The following ANGPT1 variants were observed in gnomAD, a reference collection of about 807,000 sequenced individuals.
ANGPT1 encodes the protein angiopoietin 1, also known as angiopoietin-1.
ANGPT1 carries 17 observed loss-of-function variants against 62.2 expected under a neutral mutation model. That is an observed-to-expected ratio of 0.27 (90% confidence interval 0.19 to 0.41). The LOEUF is 0.41. Among genes scored for constraint, ANGPT1 ranks in the 10% least tolerant of loss-of-function variants. The pLI is 1.00. For missense variants in ANGPT1, 478 were observed against 594.9 expected, an observed-to-expected ratio of 0.80 and a Z score of 2.04; for synonymous variants, 199 against 198.9, an observed-to-expected ratio of 1.00 and a Z score of 0.00.
At chr8:107,371,110 G>A (rs1445805257) in intron 1 of ANGPT1, among the ~76,000 whole-genome samples, 1 of 152,206 alleles carries the variant, frequency 6.6e-6, no homozygotes, top group Non-Finnish European at 1.5e-5. Flanking sequence ...TGAACCTGGC[G>A]AGATGCCATC....
At chr8:107,281,561 G>A (rs546812856) in intron 7 of ANGPT1, among the ~76,000 whole-genome samples, 4 of 152,066 alleles carry the variant, frequency 2.6e-5, no homozygotes, top group South Asian at 2.1e-4. Context: ...TGCGGATCAC[G>A]AGATCAGGAG....
chr8:107,262,122 G>C (rs1813507088), intron 8 of ANGPT1, among the ~76,000 whole-genome samples: 1 of 152,114 alleles, frequency 6.6e-6, no homozygotes, highest in South Asian at 2.1e-4. Flanking sequence ...TTGAACCAGG[G>C]AGGCGGAGGT....
chr8:107,469,759 T>A (rs145080600), intron 1 of ANGPT1, among the ~76,000 whole-genome samples: 2 of 152,086 alleles, frequency 1.3e-5, no homozygotes, highest in African/African-American at 2.4e-5. Flanking sequence ...AATACATGCT[T>A]TTTTTGTAAA....
chr8:107,347,156 A>C (rs1815824211), intron 1 of ANGPT1, 59 bp from the exon 2 acceptor site: 1 of 1,523,258 alleles, frequency 6.6e-7, no homozygotes, highest in East Asian at 2.3e-5. Flanking sequence ...CAGTTCGGGC[A>C]TGTAATATTT....
At chr8:107,448,317 T>A (rs920329609) in intron 1 of ANGPT1, among the ~76,000 whole-genome samples, 4 of 152,192 alleles carry the variant, frequency 2.6e-5, no homozygotes, top group South Asian at 4.1e-4. Context: ...ATAATGCAAC[T>A]TTTTTATGAA....
In ANGPT1 at chr8:107,491,493, A is replaced by G. The variant is rs1463214928; in HGVS notation, c.297+5769T>C. Among the ~76,000 whole-genome samples, 5 of 152,338 alleles carry G rather than the reference A, an allele frequency of 3.3e-5. No individual in the cohort carries two copies. In the East Asian group the frequency reaches 9.7e-4, roughly 29 times the overall value. On this transcript the variant is annotated intron_variant, in intron 1 of 8. Coordinates refer to ENST00000517746, the MANE Select transcript of ANGPT1 (RefSeq NM_001146.5). ...AGTAAAGTGGGGAAGGTGGTAGGTA[A>G]TGGTGCTCAGAGACTTTCTGAGAAG...
chr8:107,322,215 A>G, intron 3 of ANGPT1, 87 bp from the exon 4 acceptor site: 1 of 948,118 alleles, frequency 1.1e-6, no homozygotes, highest in Non-Finnish European at 1.5e-6. Flanking sequence ...GAATTTATTT[A>G]AGATGAGAAA....
chr8:107,366,487 G>GT lies in ANGPT1; in HGVS notation c.298-19391dup, dbSNP rs554502186. Among the ~76,000 whole-genome samples the GT allele has an allele frequency of 3.1e-4, 47 of 152,198 alleles. 1 individual carries two copies. In the South Asian group the frequency reaches 9.5e-3, roughly 31 times the overall value. ...GCAAAACCTGAAATACGTTTGCTGT[G>GT]TTTTTTTAAGATCATTGTATATATG... On this transcript the variant is annotated intron_variant, in intron 1 of 8. Coordinates refer to ENST00000517746, the MANE Select transcript of ANGPT1 (RefSeq NM_001146.5).
At chr8:107,429,516 G>A (rs1412665099) in intron 1 of ANGPT1, among the ~76,000 whole-genome samples, 2 of 152,150 alleles carry the variant, frequency 1.3e-5, no homozygotes, top group Non-Finnish European at 2.9e-5. Context: ...CTTTCTGAGA[G>A]ATGTTTGTTA....
chr8:107,497,789 A>T lies in ANGPT1; in HGVS notation c.-231T>A. On this transcript the variant is annotated 5_prime_UTR_variant, in exon 1 of 9. Transcript: ENST00000517746. ...ATGTTTTTCTTCGTTAAAACTTGAG[A>T]TATTTATTGCATAGTAGCTGAGATT... 1 of 587,782 alleles carries T rather than the reference A, an allele frequency of 1.7e-6. No individual in the cohort carries two copies. The highest frequency in any genetic ancestry group is 3.0e-6 in the Non-Finnish European group (1 of 336,184). 36.4% of individuals were successfully genotyped at this position (587,782 alleles called of 1,614,324 possible). A position where few individuals can be genotyped will look rare whatever the true frequency, so the allele number is the denominator to read the frequency against.
intron 1 of ANGPT1, among the ~76,000 whole-genome samples, chr8:107,401,673 A>G (rs1817049960): frequency 6.6e-6 from 1 of 152,364 alleles, no homozygotes; most frequent in African/African-American, 2.4e-5. Flanking sequence ...CCTTTGATGC[A>G]GGATTATTTT....
chr8:107,446,765 G>C lies in ANGPT1; in HGVS notation c.297+50497C>G, dbSNP rs563467330. Among the ~76,000 whole-genome samples, 4 of 152,282 alleles carry C rather than the reference G, an allele frequency of 2.6e-5. No individual in the cohort carries two copies. In the East Asian group the frequency reaches 7.7e-4, roughly 29 times the overall value. ...GTTATGTGGCTATTGCAGAGTATGG[G>C]AGATGGATTTAAATATCTTCTATAT... On this transcript the variant is annotated intron_variant, in intron 1 of 8. Coordinates refer to ENST00000517746, the MANE Select transcript of ANGPT1 (RefSeq NM_001146.5).
intron 1 of ANGPT1, among the ~76,000 whole-genome samples, chr8:107,359,289 C>A (rs1041784944): frequency 6.6e-6 from 1 of 152,152 alleles, no homozygotes; most frequent in Admixed American, 6.6e-5. Flanking sequence ...CAAATTGTTT[C>A]TCAGACTCTC....
At chr8:107,337,200 T>C (rs1430161803) in intron 2 of ANGPT1, among the ~76,000 whole-genome samples, 1 of 152,122 alleles carries the variant, frequency 6.6e-6, no homozygotes, top group East Asian at 1.9e-4. Flanking sequence ...ACTCAGGTAG[T>C]TTTATTCTGA....
intron 1 of ANGPT1, among the ~76,000 whole-genome samples, chr8:107,419,473 C>T (rs1445470564): frequency 6.6e-6 from 1 of 152,100 alleles, no homozygotes; most frequent in Admixed American, 6.6e-5. Flanking sequence ...CTTTTGTCCT[C>T]CAATCACATT....
intron 1 of ANGPT1, among the ~76,000 whole-genome samples, chr8:107,401,252 G>A (rs1817041619): frequency 6.6e-6 from 1 of 150,728 alleles, no homozygotes. Context: ...AATAGCAAGT[G>A]ATCTTCTGTC....
chr8:107,324,173 A>T (rs1040017839), intron 3 of ANGPT1, among the ~76,000 whole-genome samples: 1 of 144,338 alleles, frequency 6.9e-6, no homozygotes, highest in Admixed American at 7.1e-5. Context: ...GTATATATAT[A>T]TATGTGTGTG....
intron 1 of ANGPT1, among the ~76,000 whole-genome samples, chr8:107,419,603 T>C (rs1810844829): frequency 6.6e-6 from 1 of 152,174 alleles, no homozygotes; most frequent in Admixed American, 6.6e-5. Context: ...ATTAAGTAAA[T>C]TTGTATGCTT....
At chr8:107,445,502 T>C (rs746767318) in intron 1 of ANGPT1, among the ~76,000 whole-genome samples, 6 of 152,204 alleles carry the variant, frequency 3.9e-5, no homozygotes, top group African/African-American at 7.2e-5. Flanking sequence ...TATTTAGGTT[T>C]CTTAAATATA....
Sources: allele counts gnomAD v4.1 joint callset (sites outside exome capture counted in the v4.1 genomes callset), GRCh38; gene constraint gnomAD v4.1.1; transcripts MANE v1.5; gene names NCBI Gene and HGNC (gene_info 2026-07-23, HGNC 2026-07-21).